SYNE1: variants seen among roughly 807,000 people sequenced by gnomAD.
SYNE1 encodes the protein nesprin-1.
A neutral mutation model predicts 1,111.0 loss-of-function variants in SYNE1; 616 were observed. The observed-to-expected ratio is 0.55, with a 90% confidence interval of 0.52 to 0.59. The LOEUF (loss-of-function observed/expected upper bound fraction) is 0.59. SYNE1 is among the 20% of genes least tolerant of loss of function. The pLI, the probability that SYNE1 is intolerant of heterozygous loss-of-function variation, is 0.00. For missense variants in SYNE1, 10,006 were observed against 10,417.0 expected, an observed-to-expected ratio of 0.96 and a Z score of 1.72; for synonymous variants, 3,855 against 3,825.8, an observed-to-expected ratio of 1.01 and a Z score of -0.28.
chr6:152,421,837 C>G (rs2098266897), intron 39 of SYNE1, among the ~76,000 whole-genome samples: 1 of 151,984 alleles, frequency 6.6e-6, no homozygotes, highest in South Asian at 2.1e-4. Context: ...TCCTGTGTAG[C>G]TGGGATTACA....
At chr6:152,366,524 C>T (rs960830017) in intron 62 of SYNE1, among the ~76,000 whole-genome samples, 1 of 152,080 alleles carries the variant, frequency 6.6e-6, no homozygotes, top group Non-Finnish European at 1.5e-5. Context: ...AATTTAAACC[C>T]CACACAACTC....
intron 4 of SYNE1, among the ~76,000 whole-genome samples, chr6:152,532,673 T>C (rs1185089896): frequency 1.3e-5 from 2 of 152,210 alleles, no homozygotes; most frequent in East Asian, 1.9e-4. Context: ...TGACTCTCCA[T>C]GTGCATTCTG....
At chr6:152,367,797 T>G (rs921228186) in intron 61 of SYNE1, 5 of 237,350 alleles carry the variant, frequency 2.1e-5, no homozygotes, top group Non-Finnish European at 4.2e-5. Context: ...TTTTGTAATA[T>G]CTCTAAATTT....
intron 127 of SYNE1, among the ~76,000 whole-genome samples, chr6:152,194,269 T>C (rs117866427): frequency 3.9e-5 from 6 of 152,222 alleles, no homozygotes; most frequent in African/African-American, 1.4e-4. Context: ...ACGTTTTCAC[T>C]GGTTATACTA....
At chr6:152,545,172 T>G (rs1918336) in intron 3 of SYNE1, among the ~76,000 whole-genome samples, 2,020 of 152,316 alleles carry the variant, frequency 0.013, 41 homozygotes, top group African/African-American at 0.046. Context: ...TGTATCAGTA[T>G]GTACATAATA....
At chr6:152,424,049 CG>C (rs2098312917) in intron 39 of SYNE1, among the ~76,000 whole-genome samples, 1 of 152,112 alleles carries the variant, frequency 6.6e-6, no homozygotes, top group African/African-American at 2.4e-5. Flanking sequence ...ATTTATTTTC[CG>C]CCCAGTTCCT....
Position 152,347,239 on chromosome 6 carries a change from CA to C in SYNE1, c.11902-5del. Reference sequence around the variant, plus strand: ...CAGCAATTTCTTCCATCATTGCCTGCAAAAGTGAAACCAATACAGAGTTTTC... The same window carrying C: ...CAGCAATTTCTTCCATCATTGCCTGCAAAGTGAAACCAATACAGAGTTTTC... On this transcript the variant is annotated splice_region_variant and splice_polypyrimidine_tract_variant and intron_variant, in intron 72 of 145. Coordinates refer to ENST00000367255, the MANE Select transcript of SYNE1 (RefSeq NM_182961.4). 6.2e-7 allele frequency: 1 copy of C among 1,614,162 alleles called. No individual in the cohort carries two copies.
chr6:152,160,955 C>A (rs2062361794), intron 131 of SYNE1, among the ~76,000 whole-genome samples: 1 of 151,712 alleles, frequency 6.6e-6, no homozygotes, highest in Admixed American at 6.6e-5. Context: ...AATATATATA[C>A]ACACACATAT....
At position 152,416,563 on chromosome 6, in the gene SYNE1, C is replaced by T. The variant is rs2098158523; in HGVS notation, c.5874G>A (p.Glu1958=). 1 of 1,613,998 alleles carries T rather than the reference C, an allele frequency of 6.2e-7. No homozygotes were observed. The highest frequency in any genetic ancestry group is 1.7e-5 in the Admixed American group (1 of 59,988). ...CCAGAAGGTTCTGGATCCTCTCTACCTCTCCACAGAGCTGATCAGCCGTGG... is the reference window on the plus strand; with the variant it reads ...CCAGAAGGTTCTGGATCCTCTCTACTTCTCCACAGAGCTGATCAGCCGTGG... ...CRATADQLCG[E]VERIQNLLGT... is the part of the protein sequence containing the mutation. The change falls in exon 41 of 146, where the codon GAG becomes GAA. Residue 1958 remains glutamate (E), a synonymous_variant. Transcript: ENST00000367255.
chr6:152,504,145 T>C (rs2099044841), intron 9 of SYNE1, among the ~76,000 whole-genome samples: 1 of 152,200 alleles, frequency 6.6e-6, no homozygotes, highest in Admixed American at 6.5e-5. Context: ...TCAGCTCTGA[T>C]ACATCCTCTG....
At chr6:152,318,770 C>T (rs749682954) in intron 85 of SYNE1, 93 bp downstream of exon 85, 8 of 1,494,068 alleles carry the variant, frequency 5.4e-6, no homozygotes, top group Non-Finnish European at 7.3e-6. Flanking sequence ...AAAAAAGGTT[C>T]CTAAAAGGTT....
At chr6:152,346,314 T>C (rs1384104718) in intron 73 of SYNE1, among the ~76,000 whole-genome samples, 1 of 151,876 alleles carries the variant, frequency 6.6e-6, no homozygotes, top group Non-Finnish European at 1.5e-5. Flanking sequence ...TTACAGGTGC[T>C]TGCCACCACG....
At chr6:152,426,714 C>A (rs562845499) in intron 38 of SYNE1, among the ~76,000 whole-genome samples, 1 of 152,154 alleles carries the variant, frequency 6.6e-6, no homozygotes, top group Non-Finnish European at 1.5e-5. Context: ...ATGGTCAGGG[C>A]GGGAAACAGT....
intron 91 of SYNE1, among the ~76,000 whole-genome samples, chr6:152,303,098 CTT>C (rs71017533): frequency 0.039 from 4,151 of 107,136 alleles, 59 homozygotes; most frequent in African/African-American, 0.073. Context: ...AACTATTATT[CTT>C]TTTTTTTTTT....
chr6:152,406,243 T>C (rs1416961514), intron 45 of SYNE1, among the ~76,000 whole-genome samples: 1 of 152,108 alleles, frequency 6.6e-6, no homozygotes, highest in East Asian at 1.9e-4. Flanking sequence ...CTTCCATTTT[T>C]GAAAAGGAAG....
At chr6:152,513,022 T>C (rs2099093306) in intron 6 of SYNE1, among the ~76,000 whole-genome samples, 1 of 152,138 alleles carries the variant, frequency 6.6e-6, no homozygotes, top group African/African-American at 2.4e-5. Flanking sequence ...TGGAAACTTG[T>C]TAGAGATATA....
rs2097536962 is a variant in SYNE1 at position 152,387,113 on chromosome 6, C to T, written c.8446G>A (p.Glu2816Lys). 1.2e-6 allele frequency: 2 copies of T among 1,614,138 alleles called. No homozygotes were observed. Among genetic ancestry groups the T allele is most frequent in the Non-Finnish European group, 1.7e-6 (2 of 1,179,998 alleles). The part of the protein sequence containing the change: ...DESFKDTAQE[E>K]LKTQFNDIMT... The stretch of plus-strand genomic sequence containing the variant: ...ATATCATTAAACTGTGTTTTCAGCT[C>T]CTCTTGAGCTGTGTCCTTGAAAGAC... The change falls in exon 54 of 146, where the codon GAG becomes AAG. Residue 2816 changes from glutamate to lysine, a missense_variant. Physicochemically the swap from Glu to Lys is moderately conservative, Grantham distance 56. Around this residue, in one of 7 missense-constraint regions of SYNE1, gnomAD observed 4,955 missense variants for 5,017.2 expected, o/e 0.99. Coordinates refer to ENST00000367255, the MANE Select transcript of SYNE1 (RefSeq NM_182961.4).
At chr6:152,568,389 A>C (rs1156684375) in intron 3 of SYNE1, among the ~76,000 whole-genome samples, 1 of 134,244 alleles carries the variant, frequency 7.4e-6, no homozygotes, top group African/African-American at 2.9e-5. Flanking sequence ...TGCAACCTCT[A>C]CCTCCTGGGT....
Position 152,530,146 on chromosome 6 carries a change from T to A in SYNE1, c.130-3971A>T, listed in dbSNP as rs138980138. 5.1e-4 allele frequency among the ~76,000 whole-genome samples: 77 copies of A among 152,260 alleles called. No individual in the cohort carries two copies. The East Asian group carries it at 0.013, about 26-fold the overall frequency. Reference sequence around the variant, plus strand: ...AGGTCTATTCTTAAAGACAGGCCCGTCTTTGGAACACAGCATCTGAGCACC... The same window carrying A: ...AGGTCTATTCTTAAAGACAGGCCCGACTTTGGAACACAGCATCTGAGCACC... On this transcript the variant is annotated intron_variant, in intron 4 of 145. Coordinates refer to ENST00000367255, the MANE Select transcript of SYNE1 (RefSeq NM_182961.4).
Sources: allele counts gnomAD v4.1 joint callset (sites outside exome capture counted in the v4.1 genomes callset), GRCh38; gene constraint gnomAD v4.1.1; regional missense constraint gnomAD v4.1.1; transcripts MANE v1.5; gene names NCBI Gene and HGNC (gene_info 2026-07-23, HGNC 2026-07-21).